EIF2B2: variants seen among roughly 807,000 people sequenced by gnomAD.
EIF2B2 encodes the protein translation initiation factor eIF2B subunit beta.
In EIF2B2, 34 loss-of-function variants were observed where a neutral mutation model predicts 34.7. The ratio of observed to expected loss-of-function variants is 0.98; its 90% CI spans 0.75 to 1.31. EIF2B2 has a LOEUF of 1.31. Among genes scored for constraint, EIF2B2 ranks in the 50% most tolerant of loss-of-function variants. The probability of loss-of-function intolerance (pLI) is 0.00; values close to 1 mark genes in which losing one functional copy is unlikely to be tolerated. For missense variants in EIF2B2, 361 were observed against 447.7 expected, an observed-to-expected ratio of 0.81 and a Z score of 1.75; for synonymous variants, 155 against 171.6, an observed-to-expected ratio of 0.90 and a Z score of 0.76.
chr14:75,006,908 G>A lies in EIF2B2; in HGVS notation c.831+194G>A, dbSNP rs1023603960. On this transcript the variant is annotated intron_variant, in intron 6 of 7. Transcript: ENST00000266126. This position sits in a 1 kb window ranked among gnomAD's most constrained non-coding sequence, Gnocchi z 4.1. ...GTAAAACAGTTGAGAGTTCTCAGCT[G>A]TCAACTTTAGGAAGTCAAGATTGTA... 72 of 843,394 alleles carry A rather than the reference G, an allele frequency of 8.5e-5. No homozygotes were observed. The highest frequency in any genetic ancestry group is 1.3e-4 in the Non-Finnish European group (68 of 511,072). The allele number at this position is 843,394 out of a possible 1,614,324, so 52.2% of individuals were successfully genotyped here.
chr14:75,010,785 G>A lies in EIF2B2; in HGVS notation c.*1597G>A, dbSNP rs1889693818. 6.6e-6 allele frequency: 1 copy of A among 152,154 alleles called. No homozygotes were observed. The highest frequency in any genetic ancestry group is 2.1e-4 in the South Asian group (1 of 4,836). The allele number at this position is 152,154 out of a possible 1,614,324, so 9.4% of individuals were successfully genotyped here. ...GTTGTGATCCTGGTGTTAAAAGAATGGGACAGATTTGCAAGGAAGTCCATT... is the reference window on the plus strand; with the variant it reads ...GTTGTGATCCTGGTGTTAAAAGAATAGGACAGATTTGCAAGGAAGTCCATT... On this transcript the variant is annotated 3_prime_UTR_variant, in exon 8 of 8. Coordinates refer to ENST00000266126, the MANE Select transcript of EIF2B2 (RefSeq NM_014239.4).
rs370756093 is a variant in EIF2B2 at position 75,009,199 on chromosome 14, G to A, written c.*11G>A. 5.8e-5 allele frequency: 93 copies of A among 1,613,868 alleles called. 1 individual carries two copies. The highest frequency in any genetic ancestry group is 4.3e-4 in the African/African-American group (32 of 74,980). ...GATCATGTTTTATGACCGACCACAC[G>A]TGTCCTAAGCAGATTGCTTAGGCAG... On this transcript the variant is annotated 3_prime_UTR_variant, in exon 8 of 8. Transcript: ENST00000266126.
chr14:75,003,547 A>T lies in EIF2B2; in HGVS notation c.285-4A>T, dbSNP rs762068601. 20 of 1,613,958 alleles carry T rather than the reference A, an allele frequency of 1.2e-5. No homozygotes were observed. The highest frequency in any genetic ancestry group is 1.6e-5 in the Non-Finnish European group (19 of 1,180,028). ...TCTCTCTTTGGGTCTTGTTGCCTCT[A>T]TAGACTCCATGGACGCAGCGACGAG... On this transcript the variant is annotated splice_region_variant and splice_polypyrimidine_tract_variant and intron_variant, in intron 2 of 7. Transcript: ENST00000266126.
chr14:75,006,899 T>G lies in EIF2B2; in HGVS notation c.831+185T>G. 4.5e-6 allele frequency: 4 copies of G among 884,896 alleles called. No homozygotes were observed. The highest frequency in any genetic ancestry group is 1.8e-6 in the Non-Finnish European group (1 of 545,396). The allele number at this position is 884,896 out of a possible 1,614,324, so 54.8% of individuals were successfully genotyped here. A position where few individuals can be genotyped will look rare whatever the true frequency, so the allele number is the denominator to read the frequency against. On this transcript the variant is annotated intron_variant, in intron 6 of 7. Transcript: ENST00000266126. The surrounding 1 kb of genome is among the most constrained non-coding windows in gnomAD (Gnocchi z 4.1). ...CTTGATTCAGTAAAACAGTTGAGAG[T>G]TCTCAGCTGTCAACTTTAGGAAGTC...
chr14:75,006,450 C>A lies in EIF2B2; in HGVS notation c.694-127C>A. 7.5e-7 allele frequency: 1 copy of A among 1,335,442 alleles called. No individual in the cohort carries two copies. Among genetic ancestry groups the A allele is most frequent in the Non-Finnish European group, 1.0e-6 (1 of 957,342 alleles). 82.7% of individuals were successfully genotyped at this position (1,335,442 alleles called of 1,614,324 possible). A position where few individuals can be genotyped will look rare whatever the true frequency, so the allele number is the denominator to read the frequency against. Reference sequence around the variant, plus strand: ...ACTTGTATTGAGCCAGGGATCCCTTCACCTCTACCAGTCTGTGACCCCTCA... The same window carrying A: ...ACTTGTATTGAGCCAGGGATCCCTTAACCTCTACCAGTCTGTGACCCCTCA... On this transcript the variant is annotated intron_variant, in intron 5 of 7. Coordinates refer to ENST00000266126, the MANE Select transcript of EIF2B2 (RefSeq NM_014239.4). This position sits in a 1 kb window ranked among gnomAD's most constrained non-coding sequence, Gnocchi z 4.1.
Position 75,006,290 on chromosome 14 carries a change from GAA to G in EIF2B2, c.694-283_694-282del, listed in dbSNP as rs1889625253. ...AGCTTGGCAGTTGTGGATAGTGAAT[GAA>G]AAAGATTCCTGGCTTCTCAGAAGGT... is the stretch of plus-strand genomic sequence containing the variant. On this transcript the variant is annotated intron_variant, in intron 5 of 7. Transcript: ENST00000266126. This position sits in a 1 kb window ranked among gnomAD's most constrained non-coding sequence, Gnocchi z 4.1. 1 of 548,928 alleles carries G rather than the reference GAA, an allele frequency of 1.8e-6. No homozygotes were observed. 34.0% of individuals were successfully genotyped at this position (548,928 alleles called of 1,614,324 possible).
intron 7 of EIF2B2, chr14:75,008,588 T>C: frequency 3.6e-6 from 1 of 277,346 alleles, no homozygotes; most frequent in Non-Finnish European, 7.1e-6. Flanking sequence ...GCTAGGGGCC[T>C]GAGATTGAGG....
chr14:75,005,048 A>G lies in EIF2B2; in HGVS notation c.597+148A>G. ...AAGTAAAACATTAAGTGAATTTTCA[A>G]GGTGTTCGTCCTGTGAACATTCATA... On this transcript the variant is annotated intron_variant, in intron 4 of 7. Transcript: ENST00000266126. 4.6e-6 allele frequency: 4 copies of G among 867,868 alleles called. No homozygotes were observed. In the South Asian group the frequency reaches 5.7e-5, roughly 12 times the overall value. The allele number at this position is 867,868 out of a possible 1,614,324, so 53.8% of individuals were successfully genotyped here.
rs1421116375 is a variant in EIF2B2 at position 75,007,778 on chromosome 14, A to G, written c.888A>G (p.Pro296=). The G allele has an allele frequency of 1.9e-6, 3 of 1,613,814 alleles. No homozygotes were observed. The highest frequency in any genetic ancestry group is 2.5e-6 in the Non-Finnish European group (3 of 1,179,930). ...TTGTGGCTCCTGAAGAAGTCCTGCC[A>G]TTCACAGAAGGTACAGAAGCTGTGT... is the stretch of plus-strand genomic sequence containing the variant. The part of the protein sequence containing the change: ...HKFVAPEEVL[P]FTEGDILEKV... The change falls in exon 7 of 8, where the codon CCA becomes CCG. Residue 296 remains proline, a synonymous_variant. Coordinates refer to ENST00000266126, the MANE Select transcript of EIF2B2 (RefSeq NM_014239.4).
Position 75,006,521 on chromosome 14 carries a change from G to A in EIF2B2, c.694-56G>A. 1 of 1,607,760 alleles carries A rather than the reference G, an allele frequency of 6.2e-7. No individual in the cohort carries two copies. The highest frequency in any genetic ancestry group is 1.1e-5 in the South Asian group (1 of 91,036). On this transcript the variant is annotated intron_variant, in intron 5 of 7. Transcript: ENST00000266126. The surrounding 1 kb of genome is among the most constrained non-coding windows in gnomAD (Gnocchi z 4.1). ...AAGCATTTAGCTTTTTGTGGCCAGT[G>A]GCCCTTTTAGGGCTCCACCCCCAGG...
chr14:75,008,910 C>G (rs2139257379), intron 7 of EIF2B2, 121 bp from the exon 8 acceptor site: 1 of 1,345,402 alleles, frequency 7.4e-7, no homozygotes, highest in East Asian at 2.3e-5. Flanking sequence ...TGCATTTTTC[C>G]ATAGCTTCCC....
In EIF2B2 at chr14:75,005,891, C is replaced by A; in HGVS notation, c.623C>A (p.Ser208Tyr). The A allele has an allele frequency of 1.2e-6, 2 of 1,613,550 alleles. No individual in the cohort carries two copies. Among genetic ancestry groups the A allele is most frequent in the South Asian group, 2.2e-5 (2 of 91,044 alleles). Reference sequence around the variant, plus strand: ...GGTCATGAAATGGCTGTGAATTTGTCCAAAGCAGGTATTGAGACAACTGTC... The same window carrying A: ...GGTCATGAAATGGCTGTGAATTTGTACAAAGCAGGTATTGAGACAACTGTC... ...CQGHEMAVNL[S>Y]KAGIETTVMT... Residue 208 changes from serine to tyrosine, a missense_variant, in exon 5 of 8, where the codon TCC becomes TAC. By Grantham distance (144) the Ser-to-Tyr change is moderately radical (BLOSUM62 -2). Transcript: ENST00000266126.
At chr14:75,007,193 A>G in intron 6 of EIF2B2, 1 of 420,448 alleles carries the variant, frequency 2.4e-6, no homozygotes, top group South Asian at 1.7e-5. Flanking sequence ...TGAAATTCAC[A>G]TAACATACAA....
chr14:75,009,638 G>T lies in EIF2B2; in HGVS notation c.*450G>T, dbSNP rs1889677507. On this transcript the variant is annotated 3_prime_UTR_variant, in exon 8 of 8. Coordinates refer to ENST00000266126, the MANE Select transcript of EIF2B2 (RefSeq NM_014239.4). ...TACTCTGACAGAACTGCTTGAAACA[G>T]CAGCAGCAGAGCCTTTTTTGTGTTT... 1 of 242,536 alleles carries T rather than the reference G, an allele frequency of 4.1e-6. No individual in the cohort carries two copies. The allele number at this position is 242,536 out of a possible 1,614,324, so 15.0% of individuals were successfully genotyped here. A position where few individuals can be genotyped will look rare whatever the true frequency, so the allele number is the denominator to read the frequency against.
Position 75,009,807 on chromosome 14 carries a change from T to G in EIF2B2, c.*619T>G, listed in dbSNP as rs987792982. ...TTGTTTGAGGCCTGGAGTTTGAGAT[T>G]AGCCTGGCAACATAGCAAGATCCTG... On this transcript the variant is annotated 3_prime_UTR_variant, in exon 8 of 8. Coordinates refer to ENST00000266126, the MANE Select transcript of EIF2B2 (RefSeq NM_014239.4). The G allele has an allele frequency of 4.1e-5, 6 of 147,398 alleles. No individual in the cohort carries two copies. Among genetic ancestry groups the G allele is most frequent in the African/African-American group, 1.1e-4 (4 of 37,402 alleles). 9.1% of individuals were successfully genotyped at this position (147,398 alleles called of 1,614,324 possible).
At chr14:75,007,678 G>C (rs1219095667) in intron 6 of EIF2B2, 44 bp from the exon 7 acceptor site, 1 of 1,500,984 alleles carries the variant, frequency 6.7e-7, no homozygotes, top group Non-Finnish European at 9.3e-7. Flanking sequence ...ACCTAGGAGT[G>C]GAATTGCTGG....
intron 6 of EIF2B2, chr14:75,007,229 A>G (rs907504195): frequency 2.6e-6 from 1 of 381,336 alleles, no homozygotes; most frequent in Non-Finnish European, 5.1e-6. Context: ...TATACAATTT[A>G]GTGATATCTA....
In EIF2B2 at chr14:75,010,358, T is replaced by TTGTTTATACAGACATTAC. The variant is rs1472329506; in HGVS notation, c.*1170_*1171insTGTTTATACAGACATTAC. 2 of 152,216 alleles carry TTGTTTATACAGACATTAC rather than the reference T, an allele frequency of 1.3e-5. No homozygotes were observed. The highest frequency in any genetic ancestry group is 2.4e-5 in the African/African-American group (1 of 41,450). The allele number at this position is 152,216 out of a possible 1,614,324, so 9.4% of individuals were successfully genotyped here. A position where few individuals can be genotyped will look rare whatever the true frequency, so the allele number is the denominator to read the frequency against. Reference sequence around the variant, plus strand: ...AAAGATTTATACAGAGTGTTCAGTGTAGTAGTTGTAATGTCATAGCCTAAG... The same window carrying TTGTTTATACAGACATTAC: ...AAAGATTTATACAGAGTGTTCAGTGTTGTTTATACAGACATTACAGTAGTTGTAATGTCATAGCCTAAG... On this transcript the variant is annotated 3_prime_UTR_variant, in exon 8 of 8. Coordinates refer to ENST00000266126, the MANE Select transcript of EIF2B2 (RefSeq NM_014239.4).
intron 3 of EIF2B2, 58 bp from the exon 4 acceptor site, chr14:75,004,679 A>ATG: frequency 6.3e-6 from 1 of 159,372 alleles, no homozygotes; most frequent in Non-Finnish European, 8.1e-6. Context: ...ATATATATAT[A>ATG]TATATATATA....
Sources: allele counts gnomAD v4.1 joint callset, GRCh38; gene constraint gnomAD v4.1.1; non-coding constraint Gnocchi (gnomAD v3.1); transcripts MANE v1.5; gene names NCBI Gene and HGNC (gene_info 2026-07-23, HGNC 2026-07-21).